TRPM3: variants seen among roughly 807,000 people sequenced by gnomAD.
The protein encoded by TRPM3 is long transient receptor potential channel 3.
In TRPM3, 77 loss-of-function variants were observed where a neutral mutation model predicts 181.2. The ratio of observed to expected loss-of-function variants is 0.42; its 90% CI spans 0.35 to 0.51. TRPM3 has a LOEUF of 0.51. Among genes scored for constraint, TRPM3 ranks in the 20% least tolerant of loss-of-function variants. The probability of loss-of-function intolerance (pLI) is 0.01; values close to 1 mark genes in which losing one functional copy is unlikely to be tolerated. For missense variants in TRPM3, 1,759 were observed against 2,196.7 expected, an observed-to-expected ratio of 0.80 and a Z score of 3.98; for synonymous variants, 745 against 796.4, an observed-to-expected ratio of 0.94 and a Z score of 1.09.
intron 1 of TRPM3, among the ~76,000 whole-genome samples, chr9:71,086,757 T>C (rs751046026): frequency 2.0e-5 from 3 of 151,950 alleles, no homozygotes; most frequent in Admixed American, 6.6e-5. Flanking sequence ...TCACTACTCA[T>C]AGGAAGAGAT....
intron 17 of TRPM3, among the ~76,000 whole-genome samples, chr9:70,616,553 G>T (rs1589355703): frequency 1.6e-5 from 2 of 127,462 alleles, no homozygotes; most frequent in African/African-American, 3.0e-5. Context: ...AGTGGATTAT[G>T]TGTTATCTGA....
chr9:70,921,712 T>G (rs552805968), intron 1 of TRPM3, among the ~76,000 whole-genome samples: 10 of 152,220 alleles, frequency 6.6e-5, no homozygotes, highest in African/African-American at 2.2e-4. Context: ...ATGTTCTCTC[T>G]CTCTCTGGTT....
chr9:70,611,530 G>T (rs1455454407), intron 18 of TRPM3, among the ~76,000 whole-genome samples: 3 of 152,046 alleles, frequency 2.0e-5, no homozygotes, highest in Non-Finnish European at 4.4e-5. Flanking sequence ...GTTTCCCAAG[G>T]TCTCTTCAGC....
At chr9:71,009,690 A>C (rs2097715701) in intron 1 of TRPM3, among the ~76,000 whole-genome samples, 1 of 152,210 alleles carries the variant, frequency 6.6e-6, no homozygotes, top group South Asian at 2.1e-4. Flanking sequence ...TGCAGTCTCT[A>C]TCAAAATATG....
At chr9:71,206,690 G>A (rs1239805759) in intron 1 of TRPM3, among the ~76,000 whole-genome samples, 1 of 152,044 alleles carries the variant, frequency 6.6e-6, no homozygotes, top group African/African-American at 2.4e-5. Context: ...TATTGCCTAG[G>A]TTTTCTTCTA....
chr9:71,120,524 G>C (rs939600821), intron 1 of TRPM3, among the ~76,000 whole-genome samples: 1 of 152,144 alleles, frequency 6.6e-6, no homozygotes, highest in African/African-American at 2.4e-5. Context: ...TCTTTTGTGT[G>C]ACTCACAGCT....
At chr9:71,042,897 G>A (rs1484063817) in intron 1 of TRPM3, among the ~76,000 whole-genome samples, 11 of 152,322 alleles carry the variant, frequency 7.2e-5, no homozygotes, top group Admixed American at 6.5e-4. Context: ...GTGTGTTAAA[G>A]TATAGGTAAT....
chr9:71,300,007 G>T (rs2086632390), intron 1 of TRPM3, among the ~76,000 whole-genome samples: 1 of 152,120 alleles, frequency 6.6e-6, no homozygotes. Flanking sequence ...CTCATCTGCT[G>T]CCAGATAGCA....
intron 1 of TRPM3, among the ~76,000 whole-genome samples, chr9:71,020,014 C>T (rs1026818355): frequency 6.6e-6 from 1 of 152,130 alleles, no homozygotes; most frequent in Non-Finnish European, 1.5e-5. Context: ...ACTACTACTT[C>T]ACACTATACA....
chr9:70,845,664 A>C (rs771841173), intron 4 of TRPM3, among the ~76,000 whole-genome samples: 5 of 152,216 alleles, frequency 3.3e-5, no homozygotes, highest in Non-Finnish European at 7.3e-5. Flanking sequence ...TTATTGCAAC[A>C]TTACCTCTAC....
chr9:71,336,508 T>A (rs1454991924), intron 1 of TRPM3, among the ~76,000 whole-genome samples: 1 of 152,184 alleles, frequency 6.6e-6, no homozygotes, highest in Non-Finnish European at 1.5e-5. Flanking sequence ...ATCAATATCA[T>A]GAAAATGGCC....
intron 1 of TRPM3, among the ~76,000 whole-genome samples, chr9:71,168,533 GTGATTTATTTAT>G (rs1345421547): frequency 2.2e-3 from 184 of 82,076 alleles, no homozygotes; most frequent in African/African-American, 8.2e-3. Flanking sequence ...TTTTTAAGGT[GTGATTTATTTAT>G]TTATTTATTT....
chr9:71,272,666 G>T (rs1315585766), intron 1 of TRPM3, among the ~76,000 whole-genome samples: 1 of 151,982 alleles, frequency 6.6e-6, no homozygotes, highest in East Asian at 1.9e-4. Context: ...TCACCCATTT[G>T]TGTAATAGAA....
At chr9:71,168,383 G>C (rs1386734553) in intron 1 of TRPM3, among the ~76,000 whole-genome samples, 2 of 151,908 alleles carry the variant, frequency 1.3e-5, no homozygotes, top group African/African-American at 4.8e-5. Flanking sequence ...CACTTGGGTA[G>C]AAAGGAAGAC....
intron 1 of TRPM3, among the ~76,000 whole-genome samples, chr9:71,082,962 T>C (rs1039327289): frequency 1.3e-5 from 2 of 152,098 alleles, no homozygotes; most frequent in Non-Finnish European, 2.9e-5. Flanking sequence ...AGTCTTTACA[T>C]AGAGATTGAT....
intron 1 of TRPM3, among the ~76,000 whole-genome samples, chr9:71,077,694 G>A (rs576310623): frequency 6.6e-5 from 10 of 152,088 alleles, no homozygotes; most frequent in Admixed American, 4.6e-4. Flanking sequence ...CACTCTGCCC[G>A]CACTAGTGGA....
intron 1 of TRPM3, among the ~76,000 whole-genome samples, chr9:71,421,997 T>G (rs1000486276): frequency 6.6e-6 from 1 of 151,964 alleles, no homozygotes; most frequent in Non-Finnish European, 1.5e-5. Context: ...TTGTTTTTTT[T>G]GAAGATGCTA....
intron 6 of TRPM3, among the ~76,000 whole-genome samples, chr9:70,811,003 A>G (rs767471732): frequency 1.3e-5 from 2 of 152,186 alleles, no homozygotes; most frequent in Non-Finnish European, 2.9e-5. Flanking sequence ...ATGATAAATA[A>G]TAGGGAGTAA....
intron 18 of TRPM3, among the ~76,000 whole-genome samples, chr9:70,612,610 C>T (rs1404270057): frequency 6.6e-6 from 1 of 152,198 alleles, no homozygotes; most frequent in Non-Finnish European, 1.5e-5. Flanking sequence ...CCTTTGTGGA[C>T]TCCGGCTGGA....
Sources: allele counts gnomAD v4.1 joint callset (sites outside exome capture counted in the v4.1 genomes callset), GRCh38; gene constraint gnomAD v4.1.1; transcripts MANE v1.5; gene names NCBI Gene and HGNC (gene_info 2026-07-23, HGNC 2026-07-21).